Variants in DAB1 observed in about 807,000 individuals in gnomAD.
The protein encoded by DAB1 is disabled homolog 1.
DAB1 carries 15 observed loss-of-function variants against 64.6 expected under a neutral mutation model. That is an observed-to-expected ratio of 0.23 (90% CI 0.16 to 0.36). The LOEUF (loss-of-function observed/expected upper bound fraction) is 0.36. DAB1 is among the 10% of genes least tolerant of loss of function. The pLI, the probability that DAB1 is intolerant of heterozygous loss-of-function variation, is 1.00. For missense variants in DAB1, 596 were observed against 706.7 expected (o/e 0.84, Z 1.78); for synonymous variants, 235 against 251.9 (o/e 0.93, Z 0.64).
intron 7 of DAB1, among the ~76,000 whole-genome samples, chr1:57,625,884 T>A (rs1009310743): frequency 7.2e-5 from 11 of 152,072 alleles, no homozygotes; most frequent in Non-Finnish European, 1.5e-4. Flanking sequence ...ATAGGCCAGT[T>A]TCAAAAATAA....
intron 1 of DAB1, among the ~76,000 whole-genome samples, chr1:57,317,151 C>T (rs547778659): frequency 2.0e-5 from 3 of 152,270 alleles, no homozygotes; most frequent in Non-Finnish European, 2.9e-5. Context: ...GGGAAGCCTC[C>T]GGCAAACAGC....
At chr1:58,203,180 T>C (rs997543510) in intron 4 of DAB1, among the ~76,000 whole-genome samples, 1 of 152,054 alleles carries the variant, frequency 6.6e-6, no homozygotes, top group African/African-American at 2.4e-5. Flanking sequence ...AAAACTAAGG[T>C]TTTTCTGCCG....
intron 6 of DAB1, among the ~76,000 whole-genome samples, chr1:57,757,198 A>AG (rs1648850055): frequency 1.1e-5 from 1 of 90,070 alleles, no homozygotes; most frequent in Non-Finnish European, 2.8e-5. Flanking sequence ...CAGGGGCAGA[A>AG]TTTTTTTTTT....
chr1:57,568,178 G>A (rs1219371054), intron 7 of DAB1, among the ~76,000 whole-genome samples: 1 of 152,162 alleles, frequency 6.6e-6, no homozygotes, highest in Non-Finnish European at 1.5e-5. Flanking sequence ...AATGGGGAAA[G>A]GATTCCCTAT....
At chr1:58,040,989 C>T (rs1052610703) in intron 5 of DAB1, among the ~76,000 whole-genome samples, 1 of 152,174 alleles carries the variant, frequency 6.6e-6, no homozygotes, top group South Asian at 2.1e-4. Flanking sequence ...CAGACCTATG[C>T]ATCACCCCCT....
chr1:58,443,384 C>T lies in DAB1; in HGVS notation n.257+62676G>A, dbSNP rs1197630520. ...GGAAAAAATATCACCTATAATTACACTGCCCTAATATCAAATCTTTATTCC... is the reference window on the plus strand; with the variant it reads ...GGAAAAAATATCACCTATAATTACATTGCCCTAATATCAAATCTTTATTCC... On this transcript the variant is annotated intron_variant and non_coding_transcript_variant, in intron 3 of 20. Coordinates refer to the DAB1 transcript ENST00000485760. Among the ~76,000 whole-genome samples, 8 of 152,364 alleles carry T rather than the reference C, an allele frequency of 5.3e-5. No homozygotes were observed. In the South Asian group the frequency reaches 8.3e-4, roughly 16 times the overall value.
intron 1 of DAB1, among the ~76,000 whole-genome samples, chr1:57,343,793 C>A (rs1365695940): frequency 6.6e-6 from 1 of 152,226 alleles, no homozygotes; most frequent in Non-Finnish European, 1.5e-5. Context: ...CCTCTCCATC[C>A]ACACCTCCCC....
chr1:57,544,429 T>C (rs1200352194), intron 7 of DAB1, among the ~76,000 whole-genome samples: 1 of 152,234 alleles, frequency 6.6e-6, no homozygotes, highest in Non-Finnish European at 1.5e-5. Context: ...AGTTTCCCTA[T>C]AGTAACGACT....
At chr1:57,809,862 G>A (rs1651535300) in intron 6 of DAB1, among the ~76,000 whole-genome samples, 1 of 152,098 alleles carries the variant, frequency 6.6e-6, no homozygotes, top group South Asian at 2.1e-4. Flanking sequence ...GTTTCCTACT[G>A]TGCCTCTCCT....
chr1:57,258,257 T>G (rs1261115048), intron 2 of DAB1, among the ~76,000 whole-genome samples: 1 of 152,158 alleles, frequency 6.6e-6, no homozygotes, highest in Non-Finnish European at 1.5e-5. Context: ...CAGAGGAAAC[T>G]GGGGCTCAGG....
intron 4 of DAB1, among the ~76,000 whole-genome samples, chr1:57,096,608 A>G (rs1281929007): frequency 6.6e-6 from 1 of 152,068 alleles, no homozygotes; most frequent in African/African-American, 2.4e-5. Context: ...CTCATAGGTC[A>G]GCTCCTCTCA....
intron 6 of DAB1, among the ~76,000 whole-genome samples, chr1:57,669,836 C>T (rs1646490087): frequency 6.6e-6 from 1 of 152,120 alleles, no homozygotes; most frequent in South Asian, 2.1e-4. Flanking sequence ...GATTTGGCTA[C>T]AGGCAAGAAG....
At chr1:57,637,638 G>A (rs1020545469) in intron 7 of DAB1, among the ~76,000 whole-genome samples, 2 of 152,050 alleles carry the variant, frequency 1.3e-5, no homozygotes, top group African/African-American at 4.8e-5. Context: ...CAAGGGCCAG[G>A]GTATGAAGAT....
At chr1:57,681,468 T>C (rs932866922) in intron 6 of DAB1, among the ~76,000 whole-genome samples, 1 of 152,200 alleles carries the variant, frequency 6.6e-6, no homozygotes, top group Non-Finnish European at 1.5e-5. Flanking sequence ...CATTTCTCTA[T>C]ATATTTCTGC....
intron 7 of DAB1, among the ~76,000 whole-genome samples, chr1:57,569,715 G>A (rs561556112): frequency 9.3e-4 from 141 of 152,082 alleles, no homozygotes; most frequent in African/African-American, 3.3e-3. Flanking sequence ...CCTGCATGTT[G>A]TGCACATGTA....
chr1:57,116,616 G>A (rs543242601), intron 4 of DAB1, among the ~76,000 whole-genome samples: 76 of 152,224 alleles, frequency 5.0e-4, no homozygotes, highest in Non-Finnish European at 7.9e-4. Flanking sequence ...CAGAAGCAAA[G>A]TGGACAGTTC....
At chr1:57,923,797 G>T (rs1644842264) in intron 5 of DAB1, among the ~76,000 whole-genome samples, 1 of 152,132 alleles carries the variant, frequency 6.6e-6, no homozygotes, top group African/African-American at 2.4e-5. Flanking sequence ...ACCAGAAATA[G>T]CATTAATAAT....
At position 58,300,637 on chromosome 1, in the gene DAB1, AGAGAGAGAGAGGAAGGAAGGAAGGAAGG is replaced by A. The variant is rs1369474293; in HGVS notation, n.309+42687_309+42714del. On this transcript the variant is annotated intron_variant and non_coding_transcript_variant, in intron 4 of 20. Coordinates refer to the DAB1 transcript ENST00000485760. ...GAGAGAGAGAGAGAGAGAGAGAGAG[AGAGAGAGAGAGGAAGGAAGGAAGGAAGG>A]AAGGAAGGAAGGAAGGAAGGAAGGA... 1.7e-4 allele frequency among the ~76,000 whole-genome samples: 11 copies of A among 63,040 alleles called. 1 individual carries two copies. Among genetic ancestry groups the A allele is most frequent in the East Asian group, 1.4e-3 (2 of 1,478 alleles). The allele number at this position is 63,040 out of a possible 152,430, so 41.4% of individuals were successfully genotyped here.
At chr1:57,469,206 A>G (rs1457951349) in intron 7 of DAB1, among the ~76,000 whole-genome samples, 16 of 152,168 alleles carry the variant, frequency 1.1e-4, no homozygotes, top group Non-Finnish European at 1.5e-5. Context: ...TCGTTTGTAA[A>G]TGGGCATGAT....
Sources: gnomAD v4.1 joint callset for allele counts (sites outside exome capture counted in the v4.1 genomes callset) on GRCh38, gnomAD v4.1.1 for gene constraint, MANE v1.5 for transcripts, NCBI Gene and HGNC (gene_info 2026-07-23, HGNC 2026-07-21) for gene names.